TCERG1: variants seen among roughly 807,000 people sequenced by gnomAD.
TCERG1 encodes the protein TATA box binding protein (TBP)-associated factor, RNA polymerase II, S, 150kD.
TCERG1 carries 37 observed loss-of-function variants against 144.7 expected under a neutral mutation model. The ratio of observed to expected loss-of-function variants is 0.26; its 90% CI spans 0.20 to 0.34. TCERG1 has a LOEUF of 0.34. TCERG1 is among the 10% of genes least tolerant of loss of function. The pLI, the probability that TCERG1 is intolerant of heterozygous loss-of-function variation, is 1.00. For synonymous variants in TCERG1, 492 were observed against 458.2 expected, an observed-to-expected ratio of 1.07 and a Z score of -0.94; for missense variants, 1,027 against 1,380.7, an observed-to-expected ratio of 0.74 and a Z score of 4.06.
At position 146,498,618 on chromosome 5, in the gene TCERG1, T is replaced by C. The variant is rs138967206; in HGVS notation, c.2365T>C (p.Leu789=). Reference sequence around the variant, plus strand: ...TGAAAAGATGAAAGACCGAGAAGCCTTGTTTAATGAGTTTGTGGCCGCTGC... The same window carrying C: ...TGAAAAGATGAAAGACCGAGAAGCCCTGTTTAATGAGTTTGTGGCCGCTGC... ...AIEKMKDREA[L]FNEFVAAARK... is the part of the protein sequence containing the mutation. Residue 789 remains leucine, a synonymous_variant, in exon 17 of 23, where the codon TTG becomes CTG. Coordinates refer to ENST00000679501, the MANE Select transcript of TCERG1 (RefSeq NM_001382548.1). 9.3e-6 allele frequency: 15 copies of C among 1,612,428 alleles called. No individual in the cohort carries two copies. Among genetic ancestry groups the C allele is most frequent in the Non-Finnish European group, 1.3e-5 (15 of 1,179,366 alleles).
chr5:146,471,316 C>T (rs1764273867), intron 8 of TCERG1, among the ~76,000 whole-genome samples, 172 bp from the exon 9 acceptor site: 2 of 152,198 alleles, frequency 1.3e-5, no homozygotes, highest in South Asian at 4.1e-4. Context: ...TTGTGAAATT[C>T]AGCTCTTTCT....
rs779923447 is a variant in TCERG1 at position 146,447,343 on chromosome 5, C to T, written c.-7C>T. 3.1e-6 allele frequency: 5 copies of T among 1,611,852 alleles called. No homozygotes were observed. The African/African-American group carries it at 5.3e-5, about 17-fold the overall frequency. The stretch of plus-strand genomic sequence containing the variant: ...GGTCGGCGGGTGGATGAACGCGGCC[C>T]TCTGTAATGGCGGAGCGTGGCGGGG... On this transcript the variant is annotated 5_prime_UTR_variant, in exon 1 of 23. Coordinates refer to ENST00000679501, the MANE Select transcript of TCERG1 (RefSeq NM_001382548.1).
rs1221167909 is a variant in TCERG1 at position 146,494,281 on chromosome 5, G to T, written c.2282+1243G>T. On this transcript the variant is annotated intron_variant, in intron 16 of 22. Transcript: ENST00000679501. Reference sequence around the variant, plus strand: ...GGTATTGTGGTTATGGAGGAAAAAGGCTTTACTCTCAGGAGTTGCATGTTG... The same window carrying T: ...GGTATTGTGGTTATGGAGGAAAAAGTCTTTACTCTCAGGAGTTGCATGTTG... Among the ~76,000 whole-genome samples the T allele has an allele frequency of 2.0e-5, 3 of 152,150 alleles. No homozygotes were observed. In the South Asian group the frequency reaches 6.2e-4, roughly 32 times the overall value.
At chr5:146,509,823 T>C (rs1377399122) in intron 22 of TCERG1, among the ~76,000 whole-genome samples, 1 of 152,216 alleles carries the variant, frequency 6.6e-6, no homozygotes, top group African/African-American at 2.4e-5. Context: ...GAAAACAATT[T>C]CGCATTGCTT....
chr5:146,466,648 A>G (rs920109255), intron 5 of TCERG1, among the ~76,000 whole-genome samples: 74 of 152,320 alleles, frequency 4.9e-4, no homozygotes, highest in African/African-American at 1.7e-3. Flanking sequence ...AGTATTCACA[A>G]TCTGCATGTA....
At chr5:146,457,118 G>C in intron 2 of TCERG1, 65 bp from the exon 3 acceptor site, 18 of 1,567,904 alleles carry the variant, frequency 1.1e-5, no homozygotes, top group Non-Finnish European at 1.6e-5. Flanking sequence ...CTTTTGAATA[G>C]AATTCAGTAA....
At position 146,511,880 on chromosome 5, in the gene TCERG1, G is replaced by T. The variant is rs60762274; in HGVS notation, c.*1238G>T. 1.3e-4 allele frequency: 4 copies of T among 31,324 alleles called. No homozygotes were observed. The highest frequency in any genetic ancestry group is 3.1e-4 in the Non-Finnish European group (4 of 13,002). 1.9% of individuals were successfully genotyped at this position (31,324 alleles called of 1,614,324 possible). ...ATTGATATATCTAGCTTTACCTCCC[G>T]AGTTAAAAAAAAATCTTTTTATTTT... On this transcript the variant is annotated 3_prime_UTR_variant, in exon 23 of 23. Coordinates refer to ENST00000679501, the MANE Select transcript of TCERG1 (RefSeq NM_001382548.1).
intron 22 of TCERG1, chr5:146,510,170 G>A (rs964309216): frequency 2.6e-6 from 3 of 1,144,060 alleles, no homozygotes; most frequent in South Asian, 1.4e-5. Flanking sequence ...GGTACAGCAC[G>A]GGCAAGATTT....
intron 15 of TCERG1, among the ~76,000 whole-genome samples, chr5:146,488,775 A>G (rs961529959): frequency 3.9e-5 from 6 of 152,154 alleles, no homozygotes; most frequent in African/African-American, 1.2e-4. Context: ...TCTGTACCCT[A>G]ATGTTTACTG....
chr5:146,509,961 T>G, intron 22 of TCERG1: 2 of 1,025,972 alleles, frequency 1.9e-6, no homozygotes, highest in Non-Finnish European at 2.6e-6. Flanking sequence ...GTGTGGTTTT[T>G]AGATATTTTG....
At chr5:146,506,911 CACTT>C (rs983412098) in intron 19 of TCERG1, 113 bp from the exon 20 acceptor site, 1 of 770,022 alleles carries the variant, frequency 1.3e-6, no homozygotes, top group Non-Finnish European at 2.0e-6. Flanking sequence ...TGTTGATAGA[CACTT>C]AGGTTGATTC....
intron 16 of TCERG1, among the ~76,000 whole-genome samples, chr5:146,493,422 C>CTAGT (rs1766607384): frequency 1.3e-5 from 2 of 151,792 alleles, no homozygotes; most frequent in Non-Finnish European, 2.9e-5. Flanking sequence ...TTCTAAGTGT[C>CTAGT]TAGTTAATGG....
intron 3 of TCERG1, among the ~76,000 whole-genome samples, chr5:146,457,940 C>T (rs888131852): frequency 6.6e-6 from 1 of 152,200 alleles, no homozygotes; most frequent in Admixed American, 6.5e-5. Context: ...ACCTCTGCCT[C>T]CTGGATTCAA....
intron 5 of TCERG1, among the ~76,000 whole-genome samples, chr5:146,464,960 T>C (rs753268792): frequency 5.9e-5 from 9 of 152,176 alleles, no homozygotes; most frequent in Non-Finnish European, 1.2e-4. Context: ...TTTTTTAATT[T>C]GGAAAACCTT....
chr5:146,449,853 C>T (rs1762206284), intron 1 of TCERG1, among the ~76,000 whole-genome samples: 1 of 152,144 alleles, frequency 6.6e-6, no homozygotes, highest in African/African-American at 2.4e-5. Flanking sequence ...GTTTACCTAT[C>T]AATACTTAAG....
chr5:146,479,528 G>T (rs558705113), intron 10 of TCERG1, among the ~76,000 whole-genome samples: 15 of 151,968 alleles, frequency 9.9e-5, no homozygotes, highest in African/African-American at 2.4e-5. Context: ...TTTGTTTTTC[G>T]TGAATTTGTT....
intron 10 of TCERG1, 77 bp downstream of exon 10, chr5:146,478,730 T>C (rs1765071210): frequency 9.4e-6 from 13 of 1,383,326 alleles, no homozygotes; most frequent in Non-Finnish European, 1.2e-5. Flanking sequence ...GGAAGGCATT[T>C]AGAAACCCTT....
rs1768115626 is a variant in TCERG1 at position 146,507,551 on chromosome 5, T to C, written c.2962-322T>C. On this transcript the variant is annotated intron_variant, in intron 20 of 22. Coordinates refer to ENST00000679501, the MANE Select transcript of TCERG1 (RefSeq NM_001382548.1). The surrounding 1 kb of genome is among the most constrained non-coding windows in gnomAD (Gnocchi z 4.6). ...GTTCGGCAGTTTGTACGCTTTGTTATCCAGGTTTTGTTCCTTTTTATTTGC... is the reference window on the plus strand; with the variant it reads ...GTTCGGCAGTTTGTACGCTTTGTTACCCAGGTTTTGTTCCTTTTTATTTGC... 3 of 326,430 alleles carry C rather than the reference T, an allele frequency of 9.2e-6. No individual in the cohort carries two copies. Among genetic ancestry groups the C allele is most frequent in the Non-Finnish European group, 1.6e-5 (3 of 181,964 alleles). The allele number at this position is 326,430 out of a possible 1,614,324, so 20.2% of individuals were successfully genotyped here. A position where few individuals can be genotyped will look rare whatever the true frequency, so the allele number is the denominator to read the frequency against.
At position 146,507,068 on chromosome 5, in the gene TCERG1, C is replaced by A; in HGVS notation, c.2822C>A (p.Thr941Asn). The A allele has an allele frequency of 1.2e-6, 2 of 1,611,114 alleles. No homozygotes were observed. The highest frequency in any genetic ancestry group is 2.2e-5 in the East Asian group (1 of 44,808). Residue 941 changes from threonine to asparagine, a missense_variant, in exon 20 of 23, where the codon ACC becomes AAC. Coordinates refer to ENST00000679501, the MANE Select transcript of TCERG1 (RefSeq NM_001382548.1). This position sits in a 1 kb window ranked among gnomAD's most constrained non-coding sequence, Gnocchi z 4.6. ...SDVSWSDTRR[T>N]LRKDHRWESG... ...GTGTCATGGTCTGATACTCGTAGGA[C>A]CCTCCGAAAAGATCACCGCTGGGAA...
Sources: gnomAD v4.1 joint callset for allele counts (sites outside exome capture counted in the v4.1 genomes callset) on GRCh38, gnomAD v4.1.1 for gene constraint, Gnocchi (gnomAD v3.1) non-coding constraint, MANE v1.5 for transcripts, NCBI Gene and HGNC (gene_info 2026-07-23, HGNC 2026-07-21) for gene names.